ZFAT: variants seen among roughly 807,000 people sequenced by gnomAD.
The protein encoded by ZFAT is zinc finger protein ZFAT.
In ZFAT, 64 loss-of-function variants were observed where a neutral mutation model predicts 117.7. The observed-to-expected ratio is 0.54, with a 90% CI of 0.44 to 0.67. The LOEUF (loss-of-function observed/expected upper bound fraction) is 0.67. Among genes scored for constraint, ZFAT ranks in the 30% least tolerant of loss-of-function variants. The pLI, the probability that ZFAT is intolerant of heterozygous loss-of-function variation, is 0.00. For missense variants in ZFAT, 1,433 were observed against 1,584.5 expected (o/e 0.90, Z 1.62); for synonymous variants, 679 against 615.0 (o/e 1.10, Z -1.54).
chr8:134,585,562 A>C (rs1345275662), intron 9 of ZFAT, among the ~76,000 whole-genome samples: 1 of 152,192 alleles, frequency 6.6e-6, no homozygotes, highest in Non-Finnish European at 1.5e-5. Flanking sequence ...GCAAAGCAAC[A>C]CAGAGACTGA....
chr8:134,494,631 G>C (rs1818297539), intron 15 of ZFAT, among the ~76,000 whole-genome samples: 1 of 152,180 alleles, frequency 6.6e-6, no homozygotes, highest in African/African-American at 2.4e-5. Context: ...AACGGAGCTG[G>C]CAGGACCCAG....
In ZFAT at chr8:134,534,850, C is replaced by G. The variant is rs77284589; in HGVS notation, c.2977-1878G>C. Among the ~76,000 whole-genome samples the G allele has an allele frequency of 9.9e-5, 15 of 152,104 alleles. No individual in the cohort carries two copies. The East Asian group carries it at 2.9e-3, about 29-fold the overall frequency. On this transcript the variant is annotated intron_variant, in intron 11 of 15. Coordinates refer to ENST00000377838, the MANE Select transcript of ZFAT (RefSeq NM_020863.4). ...GAAAATCTTCCACCTCACCCCCTGCCTAAGTCACACTCCTTCCTCGTAGGC... is the reference window on the plus strand; with the variant it reads ...GAAAATCTTCCACCTCACCCCCTGCGTAAGTCACACTCCTTCCTCGTAGGC...
intron 11 of ZFAT, among the ~76,000 whole-genome samples, chr8:134,545,477 C>T (rs956810724): frequency 3.3e-5 from 5 of 152,014 alleles, no homozygotes; most frequent in Admixed American, 6.6e-5. Flanking sequence ...CAACATAGCA[C>T]GACTCTGTCT....
At chr8:134,653,688 T>C (rs895354428) in intron 2 of ZFAT, among the ~76,000 whole-genome samples, 2 of 152,108 alleles carry the variant, frequency 1.3e-5, no homozygotes, top group Non-Finnish European at 2.9e-5. Flanking sequence ...ATATCACATA[T>C]ACACCGTAAA....
At chr8:134,815,055 C>T in the ZFAT span, among the ~76,000 whole-genome samples, 381 of 152,314 alleles carry the variant, frequency 2.5e-3, 1 homozygote, top group South Asian at 0.01. Flanking sequence ...AAGGTCCATT[C>T]AGCTAAATAA....
intron 11 of ZFAT, among the ~76,000 whole-genome samples, chr8:134,543,057 G>A (rs973065851): frequency 3.3e-5 from 5 of 150,866 alleles, no homozygotes; most frequent in African/African-American, 7.4e-5. Context: ...ATGGGATCAT[G>A]TACAAATCCC....
chr8:134,657,384 G>T (rs1831671606), intron 2 of ZFAT, among the ~76,000 whole-genome samples, 177 bp downstream of exon 2: 1 of 152,098 alleles, frequency 6.6e-6, no homozygotes, highest in African/African-American at 2.4e-5. Context: ...AACCTACAGG[G>T]GGCTAGGTAT....
chr8:134,551,016 G>A (rs1823126265), intron 11 of ZFAT, among the ~76,000 whole-genome samples: 1 of 152,154 alleles, frequency 6.6e-6, no homozygotes, highest in Non-Finnish European at 1.5e-5. Flanking sequence ...CCTGGAAAAT[G>A]TTCTGGCTGC....
chr8:134,811,567 A>G, the ZFAT span, among the ~76,000 whole-genome samples: 1 of 152,228 alleles, frequency 6.6e-6, no homozygotes, highest in Non-Finnish European at 1.5e-5. Context: ...GTTTCTCTTC[A>G]GCCTTTGAAA....
At chr8:134,677,263 TCAC>T (rs2131285750) in intron 1 of ZFAT, among the ~76,000 whole-genome samples, 1 of 152,172 alleles carries the variant, frequency 6.6e-6, no homozygotes, top group Non-Finnish European at 1.5e-5. Flanking sequence ...AAAGGGGCCA[TCAC>T]TACCAATCCC....
chr8:134,788,100 ATTG>A, the ZFAT span, among the ~76,000 whole-genome samples: 1 of 152,082 alleles, frequency 6.6e-6, no homozygotes, highest in Admixed American at 6.6e-5. Flanking sequence ...AGAGGTTATT[ATTG>A]TTTTTAGACT....
At chr8:134,628,677 G>T (rs1439625594) in intron 3 of ZFAT, among the ~76,000 whole-genome samples, 2 of 152,166 alleles carry the variant, frequency 1.3e-5, no homozygotes, top group Non-Finnish European at 2.9e-5. Context: ...AACACCTATA[G>T]CATATTAATA....
At chr8:134,543,244 T>C (rs1032428657) in intron 11 of ZFAT, among the ~76,000 whole-genome samples, 94 of 149,128 alleles carry the variant, frequency 6.3e-4, no homozygotes, top group African/African-American at 2.2e-3. Context: ...AATCCCCAGA[T>C]GACCTGCCCA....
rs760488147 is a variant in ZFAT at position 134,583,963 on chromosome 8, C to G, written c.2756G>C (p.Arg919Pro). ...FKCSLCEYAT[R>P]SKSNLKAHMN... Reference sequence around the variant, plus strand: ...ATGAGCCTTGAGGTTACTCTTGCTACGAGTTGCATACTCACACAAAGAACA... The same window carrying G: ...ATGAGCCTTGAGGTTACTCTTGCTAGGAGTTGCATACTCACACAAAGAACA... The change falls in exon 10 of 16, where the codon CGT (arginine) becomes CCT (proline). Residue 919 changes from arginine (R) to proline (P), a missense_variant. By Grantham distance (103) the Arg-to-Pro change is moderately radical. Coordinates refer to ENST00000377838, the MANE Select transcript of ZFAT (RefSeq NM_020863.4). The G allele has an allele frequency of 1.3e-6, 2 of 1,569,716 alleles. No individual in the cohort carries two copies. Among genetic ancestry groups the G allele is most frequent in the Non-Finnish European group, 1.7e-6 (2 of 1,156,006 alleles).
chr8:134,537,855 G>A (rs959386072), intron 11 of ZFAT, among the ~76,000 whole-genome samples: 5 of 152,184 alleles, frequency 3.3e-5, no homozygotes, highest in African/African-American at 9.7e-5. Flanking sequence ...CTGATGGCTG[G>A]GATGATGTGT....
chr8:134,666,026 G>A (rs565340678), intron 1 of ZFAT, among the ~76,000 whole-genome samples: 1 of 152,180 alleles, frequency 6.6e-6, no homozygotes, highest in Admixed American at 6.5e-5. Flanking sequence ...GTCAGAGAAG[G>A]CCTAGTACAG....
At chr8:134,516,486 A>G (rs1033094883) in intron 13 of ZFAT, among the ~76,000 whole-genome samples, 1 of 152,004 alleles carries the variant, frequency 6.6e-6, no homozygotes, top group African/African-American at 2.4e-5. Context: ...CCCTCATCGA[A>G]TGTTTGGTTA....
intron 10 of ZFAT, among the ~76,000 whole-genome samples, chr8:134,568,009 GC>G (rs775837814): frequency 2.6e-5 from 4 of 152,198 alleles, no homozygotes; most frequent in Non-Finnish European, 5.9e-5. Context: ...GCCTTCAGCT[GC>G]CCATGGGCAG....
At chr8:134,630,426 G>A (rs564799558) in intron 3 of ZFAT, among the ~76,000 whole-genome samples, 1 of 152,308 alleles carries the variant, frequency 6.6e-6, no homozygotes, top group South Asian at 2.1e-4. Flanking sequence ...CAAGCCATCT[G>A]TTTTGCTAAC....
Sources: allele counts gnomAD v4.1 joint callset (sites outside exome capture counted in the v4.1 genomes callset), GRCh38; gene constraint gnomAD v4.1.1; transcripts MANE v1.5; gene names NCBI Gene and HGNC (gene_info 2026-07-23, HGNC 2026-07-21).